Variants in ITSN1 observed in about 807,000 individuals in gnomAD.
ITSN1 encodes intersectin 1.
In ITSN1, 58 loss-of-function variants were observed where a neutral mutation model predicts 239.8. The observed-to-expected ratio is 0.24, with a 90% CI of 0.20 to 0.30. The LOEUF is 0.30. Among genes scored for constraint, ITSN1 ranks in the 10% least tolerant of loss-of-function variants. The pLI is 1.00. For missense variants in ITSN1, 1,558 were observed against 2,103.3 expected (o/e 0.74, Z 5.07); for synonymous variants, 780 against 770.8 (o/e 1.01, Z -0.20).
At chr21:33,756,701 C>T (rs989538418) in intron 8 of ITSN1, 1 of 152,102 alleles carries the variant, frequency 6.6e-6, no homozygotes, top group African/African-American at 2.4e-5. Context: ...TAAATACACA[C>T]AGATTCTCGA....
chr21:33,782,748 G>A (rs537900844), intron 16 of ITSN1, among the ~76,000 whole-genome samples: 3 of 152,218 alleles, frequency 2.0e-5, no homozygotes, highest in African/African-American at 7.2e-5. Context: ...ATTCTTGGCC[G>A]GGCGTGGTGG....
At position 33,755,318 on chromosome 21, in the gene ITSN1, G is replaced by C; in HGVS notation, c.645G>C (p.Trp215Cys). The change falls in exon 8 of 40, where the codon TGG (tryptophan) becomes TGC (cysteine). Residue 215 changes from tryptophan to cysteine, a missense_variant. Trp to Cys is a radical substitution (Grantham distance 215). This residue lies in a region of ITSN1 where 982 missense variants were observed against 1,209.9 expected (regional missense o/e 0.81). Transcript: ENST00000381318. ...DVASVPPVAE[W>C]AVPQSSRLKY... ...ACAGTGTCCCACCAGTGGCAGAGTG[G>C]GCTGTTCCTCAGTCATCAAGACTGA... 1 of 1,609,418 alleles carries C rather than the reference G, an allele frequency of 6.2e-7. No individual in the cohort carries two copies. Among genetic ancestry groups the C allele is most frequent in the Non-Finnish European group, 8.5e-7 (1 of 1,177,324 alleles).
Position 33,772,241 on chromosome 21 carries a change from A to G in ITSN1, c.1223A>G (p.Glu408Gly). Residue 408 changes from glutamate (E) to glycine (G), a missense_variant, in exon 12 of 40, where the codon GAA becomes GGA. By Grantham distance (98) the Glu-to-Gly change is moderately conservative (BLOSUM62 -2). Coordinates refer to ENST00000381318, the MANE Select transcript of ITSN1 (RefSeq NM_003024.3). Reference sequence around the variant, plus strand: ...GAGCAAGAGCGCAAAAGACAACTGGAACTGGAGAAGCAACTGGAAAAGCAG... The same window carrying G: ...GAGCAAGAGCGCAAAAGACAACTGGGACTGGAGAAGCAACTGGAAAAGCAG... ...RQEQERKRQLELEKQLEKQRE... is the reference protein window; with the variant it reads ...RQEQERKRQLGLEKQLEKQRE... The G allele has an allele frequency of 6.2e-7, 1 of 1,607,330 alleles. No homozygotes were observed. Among genetic ancestry groups the G allele is most frequent in the Non-Finnish European group, 8.5e-7 (1 of 1,176,560 alleles).
intron 1 of ITSN1, among the ~76,000 whole-genome samples, chr21:33,671,313 A>T (rs2090259959): frequency 6.6e-6 from 1 of 151,910 alleles, no homozygotes; most frequent in Non-Finnish European, 1.5e-5. Context: ...TTTGAGACAG[A>T]GTTTCAATCT....
chr21:33,883,635 G>A lies in ITSN1; in HGVS notation c.4640G>A (p.Arg1547His), dbSNP rs374602007. ...EPIFHISHID[R>H]VYTLRAESIN... is the part of the protein sequence containing the mutation. The stretch of plus-strand genomic sequence containing the variant: ...ATCTTCCACATCTCCCACATTGACC[G>A]CGTCTATACTCTCCGAGCAGAAAGC... Residue 1547 changes from arginine to histidine, a missense_variant, in exon 36 of 40, where the codon CGC becomes CAC. This residue lies in a region of ITSN1 where 576 missense variants were observed against 893.3 expected (regional missense o/e 0.64). Transcript: ENST00000381318. The A allele has an allele frequency of 1.2e-5, 19 of 1,613,594 alleles. No individual in the cohort carries two copies. Among genetic ancestry groups the A allele is most frequent in the African/African-American group, 1.3e-5 (1 of 74,872 alleles).
At chr21:33,856,655 C>A in intron 29 of ITSN1, 81 bp from the exon 30 acceptor site, 7 of 1,593,864 alleles carry the variant, frequency 4.4e-6, no homozygotes, top group Non-Finnish European at 6.0e-6. Context: ...CAGGACCCAG[C>A]AGCCACGAGG....
At chr21:33,682,072 T>TAA (rs148649088) in intron 1 of ITSN1, among the ~76,000 whole-genome samples, 6 of 148,612 alleles carry the variant, frequency 4.0e-5, no homozygotes, top group Non-Finnish European at 3.0e-5. Flanking sequence ...ATTATGTGCT[T>TAA]AAAAAAAAAA....
chr21:33,783,182 T>C (rs2070346203), intron 16 of ITSN1, among the ~76,000 whole-genome samples: 1 of 152,258 alleles, frequency 6.6e-6, no homozygotes, highest in Non-Finnish European at 1.5e-5. Flanking sequence ...ATATTTGTTT[T>C]CCTTTTCTAA....
At chr21:33,769,782 G>T (rs374932079) in intron 11 of ITSN1, among the ~76,000 whole-genome samples, 1 of 151,116 alleles carries the variant, frequency 6.6e-6, no homozygotes, top group Non-Finnish European at 1.5e-5. Context: ...TGCAGCCTCC[G>T]CCTCCTGGGT....
chr21:33,774,676 T>C (rs1452399397), intron 12 of ITSN1, 53 bp from the exon 13 acceptor site: 21 of 1,542,528 alleles, frequency 1.4e-5, no homozygotes, highest in Non-Finnish European at 1.7e-5. Flanking sequence ...TGAAAAGACA[T>C]TGTGTAGTGT....
intron 1 of ITSN1, among the ~76,000 whole-genome samples, chr21:33,656,191 C>A (rs1212741864): frequency 6.6e-6 from 1 of 152,004 alleles, no homozygotes; most frequent in African/African-American, 2.4e-5. Context: ...CTCTCCTGGG[C>A]CTTGGGTCTA....
rs1986299413 is a variant in ITSN1, at chr21:33,890,657, G to A, written c.*2357G>A. 1 of 152,116 alleles carries A rather than the reference G, an allele frequency of 6.6e-6. No individual in the cohort carries two copies. 9.4% of individuals were successfully genotyped at this position (152,116 alleles called of 1,614,324 possible). A position where few individuals can be genotyped will look rare whatever the true frequency, so the allele number is the denominator to read the frequency against. On this transcript the variant is annotated 3_prime_UTR_variant, in exon 40 of 40. Transcript: ENST00000381318. ...CTGTGATTCATGAGTTGTGTCACAG[G>A]GATTGAGAAACATGGGTGATGCATG...
intron 31 of ITSN1, among the ~76,000 whole-genome samples, chr21:33,859,863 C>T (rs1383108713): frequency 6.6e-6 from 1 of 152,172 alleles, no homozygotes; most frequent in African/African-American, 2.4e-5. Context: ...AAGGTCTGGA[C>T]TCCGTTGCCC....
intron 27 of ITSN1, among the ~76,000 whole-genome samples, chr21:33,833,016 G>T (rs2074384931): frequency 6.6e-6 from 1 of 151,954 alleles, no homozygotes; most frequent in Non-Finnish European, 1.5e-5. Flanking sequence ...GTGTGTGTGT[G>T]TATGTGTACG....
chr21:33,725,228 C>T (rs189855598), intron 4 of ITSN1, among the ~76,000 whole-genome samples: 376 of 148,734 alleles, frequency 2.5e-3, no homozygotes, highest in Non-Finnish European at 4.4e-3. Context: ...CTCTGCCTCC[C>T]GGCTTCAAGC....
intron 28 of ITSN1, among the ~76,000 whole-genome samples, chr21:33,835,819 T>G (rs189546293): frequency 4.1e-4 from 62 of 152,246 alleles, no homozygotes; most frequent in African/African-American, 1.4e-3. Flanking sequence ...TAATCCCAGC[T>G]ACTCAAGAGG....
At chr21:33,875,552 C>A (rs775276512) in intron 34 of ITSN1, 31 bp downstream of exon 34, 6 of 1,600,574 alleles carry the variant, frequency 3.7e-6, no homozygotes, top group Non-Finnish European at 5.1e-6. Context: ...GCCCTGGTCT[C>A]CCCCGGCAGA....
At position 33,674,896 on chromosome 21, in the gene ITSN1, T is replaced by C. The variant is rs1291174795; in HGVS notation, c.-33+32183T>C. 2.0e-5 allele frequency among the ~76,000 whole-genome samples: 3 copies of C among 152,178 alleles called. No homozygotes were observed. In the East Asian group the frequency reaches 5.8e-4, roughly 29 times the overall value. Reference sequence around the variant, plus strand: ...GTATCTCTTTTATGTGTAGGACTTTTGTTTTTGTTTTGCCATGAAATAAAG... The same window carrying C: ...GTATCTCTTTTATGTGTAGGACTTTCGTTTTTGTTTTGCCATGAAATAAAG... On this transcript the variant is annotated intron_variant, in intron 1 of 39. Transcript: ENST00000381318.
chr21:33,774,758 A>G lies in ITSN1; in HGVS notation c.1335A>G (p.Arg445=). Residue 445 remains arginine, a synonymous_variant, in exon 13 of 40, where the codon CGA becomes CGG. Coordinates refer to ENST00000381318, the MANE Select transcript of ITSN1 (RefSeq NM_003024.3). The part of the protein sequence containing the change: ...EAAKRELERQ[R]QLEWERNRRQ... ...CAAAACGGGAACTTGAAAGGCAACG[A>G]CAACTTGAGTGGGAACGGAATCGAA... The G allele has an allele frequency of 6.2e-7, 1 of 1,613,856 alleles. No homozygotes were observed. Among genetic ancestry groups the G allele is most frequent in the Non-Finnish European group, 8.5e-7 (1 of 1,179,936 alleles).
Sources: allele counts gnomAD v4.1 joint callset (sites outside exome capture counted in the v4.1 genomes callset), GRCh38; gene constraint gnomAD v4.1.1; regional missense constraint gnomAD v4.1.1; transcripts MANE v1.5; gene names NCBI Gene and HGNC (gene_info 2026-07-23, HGNC 2026-07-21).